FHIT: variants seen among roughly 807,000 people sequenced by gnomAD.
FHIT encodes bis(5'-adenosyl)-triphosphatase.
Under a neutral mutation model 17.9 loss-of-function variants are expected in FHIT, and 19 were observed. The ratio of observed to expected loss-of-function variants is 1.06; its 90% CI spans 0.74 to 1.56. FHIT has a LOEUF of 1.56. Among genes scored for constraint, FHIT ranks in the 40% most tolerant of loss-of-function variants. FHIT has a pLI of 0.00. For synonymous variants in FHIT, 81 were observed against 69.7 expected, an observed-to-expected ratio of 1.16 and a Z score of -0.81; for missense variants, 248 against 189.2, an observed-to-expected ratio of 1.31 and a Z score of -1.82.
chr3:61,118,556 T>C (rs928826491), intron 2 of FHIT, among the ~76,000 whole-genome samples: 4 of 152,220 alleles, frequency 2.6e-5, no homozygotes, highest in Non-Finnish European at 4.4e-5. Context: ...TCATTTTTCA[T>C]AGCACCTGGA....
intron 3 of FHIT, among the ~76,000 whole-genome samples, chr3:60,860,039 T>A (rs554126648): frequency 6.7e-6 from 1 of 148,718 alleles, no homozygotes; most frequent in East Asian, 2.0e-4. Flanking sequence ...TGGGACTACA[T>A]CTCAAAAAAA....
chr3:61,201,708 G>C (rs772235516), intron 1 of FHIT, among the ~76,000 whole-genome samples: 12 of 151,570 alleles, frequency 7.9e-5, no homozygotes, highest in Non-Finnish European at 1.5e-4. Flanking sequence ...CAGGAGGTAG[G>C]TCCCTTCTAT....
chr3:60,378,601 A>G (rs1229873352), intron 5 of FHIT, among the ~76,000 whole-genome samples: 3 of 152,252 alleles, frequency 2.0e-5, no homozygotes, highest in Non-Finnish European at 4.4e-5. Context: ...GAAAGGAAGT[A>G]TCTTTCAAAA....
At chr3:60,501,825 T>C (rs149095243) in intron 5 of FHIT, among the ~76,000 whole-genome samples, 1 of 152,378 alleles carries the variant, frequency 6.6e-6, no homozygotes, top group Non-Finnish European at 1.5e-5. Context: ...CTTGGAGTTA[T>C]TCATATTACT....
chr3:60,312,189 G>T (rs1708979720), intron 5 of FHIT, among the ~76,000 whole-genome samples: 2 of 152,102 alleles, frequency 1.3e-5, no homozygotes, highest in African/African-American at 4.8e-5. Flanking sequence ...AGGCTGGAGT[G>T]CAGTGGCATG....
At position 59,922,998 on chromosome 3, in the gene FHIT, G is replaced by A. The variant is rs191235083; in HGVS notation, c.280-584C>T. Among the ~76,000 whole-genome samples, 851 of 152,144 alleles carry A rather than the reference G, an allele frequency of 5.6e-3. 9 individuals carry two copies. The highest frequency in any genetic ancestry group is 0.019 in the African/African-American group (802 of 41,490). On this transcript the variant is annotated intron_variant, in intron 7 of 9. Transcript: ENST00000492590. ...GAGGTGGCCGGGCACGGTGGCTCATGCCTGTAATCCCAGCACTTTGGGAGG... is the reference window on the plus strand; with the variant it reads ...GAGGTGGCCGGGCACGGTGGCTCATACCTGTAATCCCAGCACTTTGGGAGG...
intron 8 of FHIT, among the ~76,000 whole-genome samples, chr3:59,841,506 T>C (rs1358677305): frequency 1.3e-5 from 2 of 152,108 alleles, no homozygotes; most frequent in Non-Finnish European, 2.9e-5. Flanking sequence ...ACAATCCAGA[T>C]AGGCAATAAT....
intron 3 of FHIT, among the ~76,000 whole-genome samples, chr3:60,850,369 T>TCTCTCTCTC (rs1703109358): frequency 9.3e-6 from 1 of 107,102 alleles, no homozygotes; most frequent in Non-Finnish European, 2.0e-5. Flanking sequence ...CTCTCTCTCA[T>TCTCTCTCTC]GCTCTGCATC....
chr3:60,079,794 C>T (rs916226939), intron 5 of FHIT, among the ~76,000 whole-genome samples: 1 of 151,776 alleles, frequency 6.6e-6, no homozygotes, highest in Non-Finnish European at 1.5e-5. Flanking sequence ...TTGCCAAAGC[C>T]CAGAAAATTC....
rs1009344803 is a variant in FHIT, at chr3:60,097,447, G to A, written c.104-83295C>T. Reference sequence around the variant, plus strand: ...TCCCAGTTTTCCAAGACAGACTCCAGGGAAAACAGGTCTACCTTGAACAAC... The same window carrying A: ...TCCCAGTTTTCCAAGACAGACTCCAAGGAAAACAGGTCTACCTTGAACAAC... On this transcript the variant is annotated intron_variant, in intron 5 of 9. Transcript: ENST00000492590. Among the ~76,000 whole-genome samples, 17 of 152,068 alleles carry A rather than the reference G, an allele frequency of 1.1e-4. 1 individual carries two copies. Among genetic ancestry groups the A allele is most frequent in the Admixed American group, 1.3e-4 (2 of 15,260 alleles).
intron 5 of FHIT, among the ~76,000 whole-genome samples, chr3:60,118,502 G>A (rs945333168): frequency 6.6e-6 from 1 of 151,960 alleles, no homozygotes; most frequent in East Asian, 1.9e-4. Context: ...ATATGTCAAG[G>A]GGTGACTGAC....
chr3:59,788,881 G>GTTTTTTTGTTTTTTTTTTTT, intron 8 of FHIT, among the ~76,000 whole-genome samples: 1 of 86,804 alleles, frequency 1.2e-5, no homozygotes, highest in Non-Finnish European at 2.0e-5. Context: ...GAGTTCATAT[G>GTTTTTTTGTTTTTTTTTTTT]TTTTTTTTTT....
At chr3:60,335,454 T>C (rs558476132) in intron 5 of FHIT, among the ~76,000 whole-genome samples, 33 of 152,326 alleles carry the variant, frequency 2.2e-4, no homozygotes, top group African/African-American at 7.0e-4. Context: ...TGGCATTTGA[T>C]AGTTCATCAT....
At chr3:61,247,792 T>C (rs114530829) in intron 1 of FHIT, among the ~76,000 whole-genome samples, 1 of 152,344 alleles carries the variant, frequency 6.6e-6, no homozygotes, top group African/African-American at 2.4e-5. Context: ...GCTATTATAT[T>C]TATCTATTGA....
At chr3:60,959,996 T>C (rs1193010895) in intron 3 of FHIT, among the ~76,000 whole-genome samples, 1 of 151,720 alleles carries the variant, frequency 6.6e-6, no homozygotes, top group Non-Finnish European at 1.5e-5. Flanking sequence ...GTAATGTTTT[T>C]AAAAAACAAA....
chr3:60,543,382 T>A (rs2036248701), intron 4 of FHIT, among the ~76,000 whole-genome samples: 1 of 152,126 alleles, frequency 6.6e-6, no homozygotes, highest in East Asian at 1.9e-4. Flanking sequence ...CAAAAAAAAA[T>A]TCTTAGATGT....
Position 60,151,073 on chromosome 3 carries a change from C to G in FHIT, c.104-136921G>C, listed in dbSNP as rs181722627. ...AAGTTGGATGGATTTGCACTGGCAT[C>G]TTTTCACGGTTTTAGTGAGAGAATC... On this transcript the variant is annotated intron_variant, in intron 5 of 9. Coordinates refer to ENST00000492590, the MANE Select transcript of FHIT (RefSeq NM_002012.4). 1.2e-4 allele frequency among the ~76,000 whole-genome samples: 19 copies of G among 152,270 alleles called. 1 individual carries two copies. Among genetic ancestry groups the G allele is most frequent in the African/African-American group, 4.3e-4 (18 of 41,550 alleles).
intron 4 of FHIT, chr3:60,730,118 G>A: frequency 2.0e-6 from 1 of 509,274 alleles, no homozygotes; most frequent in Non-Finnish European, 4.0e-6. Context: ...ATGGCAATTA[G>A]AACAAGAGCT....
chr3:60,281,738 T>C lies in FHIT; in HGVS notation c.103+255122A>G, dbSNP rs146962730. ...TGCAAAATGTAAATCCTCTGAAAGATAACACAGGGAAAAATACTAGATTTG... is the reference window on the plus strand; with the variant it reads ...TGCAAAATGTAAATCCTCTGAAAGACAACACAGGGAAAAATACTAGATTTG... On this transcript the variant is annotated intron_variant, in intron 5 of 9. Transcript: ENST00000492590. 6.6e-3 allele frequency among the ~76,000 whole-genome samples: 997 copies of C among 152,010 alleles called. 8 individuals are homozygous for C. The highest frequency in any genetic ancestry group is 0.023 in the African/African-American group (941 of 41,470).
Sources: gnomAD v4.1 joint callset for allele counts (sites outside exome capture counted in the v4.1 genomes callset) on GRCh38, gnomAD v4.1.1 for gene constraint, MANE v1.5 for transcripts, NCBI Gene and HGNC (gene_info 2026-07-23, HGNC 2026-07-21) for gene names.